The following CUL3 variants were observed in gnomAD, a reference collection of about 807,000 sequenced individuals.
CUL3 encodes cullin-3.
In CUL3, 19 loss-of-function variants were observed where a neutral mutation model predicts 89.1. The observed-to-expected ratio is 0.21, with a 90% CI of 0.15 to 0.31. CUL3 has a LOEUF of 0.31. Among genes scored for constraint, CUL3 ranks in the 10% least tolerant of loss-of-function variants. The probability of loss-of-function intolerance (pLI) is 1.00; values close to 1 mark genes in which losing one functional copy is unlikely to be tolerated. For synonymous variants in CUL3, 351 were observed against 308.4 expected, an observed-to-expected ratio of 1.14 and a Z score of -1.45; for missense variants, 469 against 942.3, an observed-to-expected ratio of 0.50 and a Z score of 6.58.
rs142565981 is a variant in CUL3 at position 224,529,867 on chromosome 2, T to C, written c.378+5661A>G. Reference sequence around the variant, plus strand: ...GTTACCTCCATGTAACCTGTGACTTTATTTACATTTTCAAGAGGCAGTGTG... The same window carrying C: ...GTTACCTCCATGTAACCTGTGACTTCATTTACATTTTCAAGAGGCAGTGTG... On this transcript the variant is annotated intron_variant, in intron 3 of 15. Coordinates refer to ENST00000264414, the MANE Select transcript of CUL3 (RefSeq NM_003590.5). Among the ~76,000 whole-genome samples, 41 of 152,276 alleles carry C rather than the reference T, an allele frequency of 2.7e-4. No individual in the cohort carries two copies. The East Asian group carries it at 7.5e-3, about 28-fold the overall frequency.
At chr2:224,503,513 C>G in intron 9 of CUL3, 139 bp downstream of exon 9, 1 of 754,056 alleles carries the variant, frequency 1.3e-6, no homozygotes, top group Non-Finnish European at 2.0e-6. Flanking sequence ...AGTCTGTGTT[C>G]TTCTCCAAAA....
intron 6 of CUL3, among the ~76,000 whole-genome samples, chr2:224,509,764 T>A (rs1278618904): frequency 6.6e-6 from 1 of 152,208 alleles, no homozygotes; most frequent in African/African-American, 2.4e-5. Flanking sequence ...CTAAGGTAGG[T>A]AAGAAAGCAT....
intron 1 of CUL3, among the ~76,000 whole-genome samples, chr2:224,574,716 T>G (rs890157070): frequency 2.0e-5 from 3 of 152,204 alleles, no homozygotes; most frequent in African/African-American, 7.2e-5. Context: ...ATTTTATGAT[T>G]GGGAAATTCT....
chr2:224,476,486 A>C (rs1009627594), intron 15 of CUL3, among the ~76,000 whole-genome samples: 1 of 152,188 alleles, frequency 6.6e-6, no homozygotes, highest in African/African-American at 2.4e-5. Context: ...CAATCCCCTT[A>C]AACTCCTCAA....
At chr2:224,556,030 A>G (rs181018900) in intron 2 of CUL3, among the ~76,000 whole-genome samples, 1 of 151,802 alleles carries the variant, frequency 6.6e-6, no homozygotes, top group East Asian at 1.9e-4. Flanking sequence ...AAAACTGCTG[A>G]TTGTGTGAAA....
intron 10 of CUL3, among the ~76,000 whole-genome samples, chr2:224,502,702 A>G (rs1692438621): frequency 6.6e-6 from 1 of 152,222 alleles, no homozygotes; most frequent in African/African-American, 2.4e-5. Context: ...ATCTTTATTA[A>G]CAACAGAATA....
At chr2:224,495,284 C>A (rs750839799) in intron 13 of CUL3, 1 of 152,198 alleles carries the variant, frequency 6.6e-6, no homozygotes, top group Non-Finnish European at 1.5e-5. Flanking sequence ...GGATACAGTT[C>A]GGCAGTTTCT....
In CUL3 at chr2:224,557,584, G is replaced by T. The variant is rs1447111132; in HGVS notation, c.264+75C>A. 5 of 1,020,388 alleles carry T rather than the reference G, an allele frequency of 4.9e-6. No individual in the cohort carries two copies. In the East Asian group the frequency reaches 9.9e-5, roughly 20 times the overall value. The allele number at this position is 1,020,388 out of a possible 1,614,324, so 63.2% of individuals were successfully genotyped here. ...GGCACCTTTAAAAAGAACACTTCCG[G>T]TCAAAGTGCAATATGGTATAAAGGA... On this transcript the variant is annotated intron_variant, in intron 2 of 15. Coordinates refer to ENST00000264414, the MANE Select transcript of CUL3 (RefSeq NM_003590.5).
At chr2:224,535,783 T>C in intron 2 of CUL3, 142 bp from the exon 3 acceptor site, 1 of 646,548 alleles carries the variant, frequency 1.5e-6, no homozygotes, top group South Asian at 1.8e-5. Context: ...TAGAAATATT[T>C]TAAGCTATAA....
At chr2:224,539,013 A>T (rs1233921275) in intron 2 of CUL3, among the ~76,000 whole-genome samples, 2 of 128,266 alleles carry the variant, frequency 1.6e-5, no homozygotes, top group Non-Finnish European at 3.6e-5. Flanking sequence ...AAAATAAATA[A>T]GACTTCAGTG....
rs1225383364 is a variant in CUL3 at position 224,519,660 on chromosome 2, GTC to G, written c.379-4890_379-4889del. Among the ~76,000 whole-genome samples the G allele has an allele frequency of 3.9e-5, 6 of 152,106 alleles. No individual in the cohort carries two copies. In the South Asian group the frequency reaches 6.2e-4, roughly 16 times the overall value. ...TACTAAATAATCATTTATATTAAAT[GTC>G]TGACATGTATGATTAATTACCATCA... On this transcript the variant is annotated intron_variant, in intron 3 of 15. Coordinates refer to ENST00000264414, the MANE Select transcript of CUL3 (RefSeq NM_003590.5).
chr2:224,529,406 A>C (rs990478876), intron 3 of CUL3, among the ~76,000 whole-genome samples: 1 of 151,386 alleles, frequency 6.6e-6, no homozygotes, highest in African/African-American at 2.4e-5. Context: ...TCACGAGGTC[A>C]GGAGATTGAG....
rs1167923738 is a variant in CUL3, at chr2:224,503,113, A to G, written c.1378-41T>C. 2.6e-6 allele frequency: 3 copies of G among 1,146,306 alleles called. No individual in the cohort carries two copies. The African/African-American group carries it at 4.6e-5, about 17-fold the overall frequency. The allele number at this position is 1,146,306 out of a possible 1,614,324, so 71.0% of individuals were successfully genotyped here. A position where few individuals can be genotyped will look rare whatever the true frequency, so the allele number is the denominator to read the frequency against. On this transcript the variant is annotated intron_variant, in intron 9 of 15. Coordinates refer to ENST00000264414, the MANE Select transcript of CUL3 (RefSeq NM_003590.5). ...ACAAATATACACAAATAAATGGTAG[A>G]TGTTTCTATGAGAAAGTACAGAAAG... is the stretch of plus-strand genomic sequence containing the variant.
At chr2:224,548,023 T>C (rs550971677) in intron 2 of CUL3, among the ~76,000 whole-genome samples, 3 of 152,246 alleles carry the variant, frequency 2.0e-5, no homozygotes, top group Admixed American at 6.5e-5. Context: ...TTTCAGCAAA[T>C]AAGACCCTAG....
At position 224,474,394 on chromosome 2, in the gene CUL3, T is replaced by G; in HGVS notation, c.2176-18A>C. On this transcript the variant is annotated intron_variant, in intron 15 of 15. Coordinates refer to ENST00000264414, the MANE Select transcript of CUL3 (RefSeq NM_003590.5). ...TGAGTTACCTAAAAAAGAAAGTAGA[T>G]AGTATTTTTATATAAACACATAAAA... The G allele has an allele frequency of 1.9e-6, 3 of 1,607,540 alleles. No homozygotes were observed. The highest frequency in any genetic ancestry group is 2.6e-6 in the Non-Finnish European group (3 of 1,176,206).
intron 2 of CUL3, among the ~76,000 whole-genome samples, chr2:224,537,062 T>G (rs568060664): frequency 4.1e-4 from 62 of 152,292 alleles, no homozygotes; most frequent in Middle Eastern, 3.4e-3. Context: ...TTTTTCAGAT[T>G]GGGAAAAAGC....
At chr2:224,503,928 C>T (rs760261060) in intron 8 of CUL3, 106 bp from the exon 9 acceptor site, 10 of 848,354 alleles carry the variant, frequency 1.2e-5, no homozygotes, top group South Asian at 9.1e-5. Flanking sequence ...ACATAGATAT[C>T]TGGTTGACAT....
chr2:224,535,769 C>T (rs1410928362), intron 2 of CUL3, 128 bp from the exon 3 acceptor site: 5 of 663,720 alleles, frequency 7.5e-6, no homozygotes, highest in East Asian at 2.8e-5. Flanking sequence ...ATGTTATAGG[C>T]TAGTAGAAAT....
intron 2 of CUL3, among the ~76,000 whole-genome samples, chr2:224,542,378 T>A (rs2106277231): frequency 6.6e-6 from 1 of 152,234 alleles, no homozygotes; most frequent in South Asian, 2.1e-4. Context: ...CAGGCTGGAG[T>A]ACAGTGACAC....
Sources: allele counts gnomAD v4.1 joint callset (sites outside exome capture counted in the v4.1 genomes callset), GRCh38; gene constraint gnomAD v4.1.1; transcripts MANE v1.5; gene names NCBI Gene and HGNC (gene_info 2026-07-23, HGNC 2026-07-21).